SUB1: variants seen among roughly 807,000 people sequenced by gnomAD.
The protein encoded by SUB1 is SUB1 regulator of transcription, also known as activated RNA polymerase II transcriptional coactivator p15.
A neutral mutation model predicts 16.9 loss-of-function variants in SUB1; 1 was observed. The ratio of observed to expected loss-of-function variants is 0.06; its 90% confidence interval spans 0.02 to 0.28. SUB1 has a LOEUF of 0.28. Ranked by LOEUF, SUB1 falls within the 10% of genes least tolerant of loss-of-function variation. SUB1 has a pLI of 1.00. For missense variants in SUB1, 84 were observed against 145.2 expected (o/e 0.58, Z 2.16); for synonymous variants, 51 against 46.9 (o/e 1.09, Z -0.36).
At chr5:32,589,597 T>TG (rs1340788423) in intron 2 of SUB1, among the ~76,000 whole-genome samples, 1 of 152,306 alleles carries the variant, frequency 6.6e-6, no homozygotes, top group Non-Finnish European at 1.5e-5. Context: ...GCACCGTAAT[T>TG]GGTGAATTTC....
chr5:32,586,818 C>CT (rs1554005011), intron 1 of SUB1, among the ~76,000 whole-genome samples: 1 of 152,182 alleles, frequency 6.6e-6, no homozygotes, highest in East Asian at 1.9e-4. Flanking sequence ...ATGAACATTG[C>CT]TTTTCCCTTC....
At chr5:32,600,772 T>G (rs1281960403) in intron 4 of SUB1, among the ~76,000 whole-genome samples, 4 of 151,882 alleles carry the variant, frequency 2.6e-5, no homozygotes, top group Non-Finnish European at 5.9e-5. Flanking sequence ...CCCGGCTAAT[T>G]TTTGTATTTT....
chr5:32,589,237 A>G (rs1188236906), intron 2 of SUB1, among the ~76,000 whole-genome samples: 1 of 151,932 alleles, frequency 6.6e-6, no homozygotes, highest in South Asian at 2.1e-4. Flanking sequence ...TACAGGCATC[A>G]TGCCTGGTTA....
chr5:32,591,432 C>A lies in SUB1; in HGVS notation c.73-131C>A. ...TAGTTTTGTTGTTGAGTGAAACTTG[C>A]TTATGTATATATTTATGATATTTTG... On this transcript the variant is annotated intron_variant, in intron 2 of 4. Transcript: ENST00000265073. 4.8e-6 allele frequency: 6 copies of A among 1,252,034 alleles called. No individual in the cohort carries two copies. In the South Asian group the frequency reaches 7.6e-5, roughly 16 times the overall value. 77.6% of individuals were successfully genotyped at this position (1,252,034 alleles called of 1,614,324 possible).
Position 32,602,696 on chromosome 5 carries a change from A to C in SUB1, c.*1612A>C, listed in dbSNP as rs1240835036. On this transcript the variant is annotated 3_prime_UTR_variant, in exon 5 of 5. Coordinates refer to ENST00000265073, the MANE Select transcript of SUB1 (RefSeq NM_006713.4). ...TTAAAGTATATTTAGCAGTAACCTT[A>C]TGAGGTTCAAATTGGTAAATCTCTT... The C allele has an allele frequency of 6.4e-6, 1 of 156,144 alleles. No homozygotes were observed. The highest frequency in any genetic ancestry group is 2.4e-5 in the African/African-American group (1 of 41,446). The allele number at this position is 156,144 out of a possible 1,614,324, so 9.7% of individuals were successfully genotyped here.
At chr5:32,585,662 GCCCCCACC>G (rs1240913988) in intron 1 of SUB1, 37 bp downstream of exon 1, 1 of 152,314 alleles carries the variant, frequency 6.6e-6, no homozygotes, top group Non-Finnish European at 1.5e-5. Flanking sequence ...ACTCCTCGGG[GCCCCCACC>G]CTCCCAGCCG....
At chr5:32,591,265 T>C (rs1738818230) in intron 2 of SUB1, 1 of 202,662 alleles carries the variant, frequency 4.9e-6, no homozygotes, top group Non-Finnish European at 9.8e-6. Flanking sequence ...TTTTTTTTTC[T>C]ACCAAAGAAA....
intron 3 of SUB1, chr5:32,596,910 AAAT>A (rs1238318813): frequency 2.6e-5 from 4 of 152,180 alleles, no homozygotes; most frequent in African/African-American, 9.6e-5. Context: ...GATTTTTGAA[AAAT>A]AATTTTCTGT....
chr5:32,591,329 A>G (rs1392723916), intron 2 of SUB1: 3 of 393,272 alleles, frequency 7.6e-6, no homozygotes, highest in Admixed American at 4.9e-5. Flanking sequence ...TAATACTACT[A>G]TAATGCCTGA....
intron 3 of SUB1, among the ~76,000 whole-genome samples, chr5:32,593,038 G>A (rs763230027): frequency 1.3e-5 from 2 of 151,980 alleles, no homozygotes; most frequent in Non-Finnish European, 2.9e-5. Flanking sequence ...TTGAGACAGG[G>A]TCTCTGCTCT....
intron 2 of SUB1, among the ~76,000 whole-genome samples, chr5:32,590,869 G>A (rs2111661001): frequency 6.9e-6 from 1 of 144,782 alleles, no homozygotes; most frequent in Admixed American, 7.0e-5. Flanking sequence ...CTGGATTCAA[G>A]CAGTTCTCTG....
At chr5:32,592,630 A>G (rs16889953) in intron 3 of SUB1, among the ~76,000 whole-genome samples, 20,119 of 152,204 alleles carry the variant, frequency 0.13, 3,367 homozygotes, top group African/African-American at 0.39. Context: ...AAATTATGCC[A>G]ATTACAAGAT....
intron 2 of SUB1, among the ~76,000 whole-genome samples, chr5:32,589,895 A>G (rs867156803): frequency 6.6e-6 from 1 of 152,134 alleles, no homozygotes; most frequent in Non-Finnish European, 1.5e-5. Flanking sequence ...TAGCTAAAAG[A>G]AAAGGGGAGA....
chr5:32,598,263 A>G (rs1365242546), intron 3 of SUB1: 1 of 152,142 alleles, frequency 6.6e-6, no homozygotes, highest in African/African-American at 2.4e-5. Context: ...TCTTGGGAGC[A>G]CTTTCAGCAT....
chr5:32,593,893 C>T (rs1446178632), intron 3 of SUB1, among the ~76,000 whole-genome samples: 1 of 152,164 alleles, frequency 6.6e-6, no homozygotes, highest in Admixed American at 6.5e-5. Flanking sequence ...GGGATTTCAC[C>T]TGGTTGGCCA....
intron 2 of SUB1, among the ~76,000 whole-genome samples, chr5:32,591,043 A>G (rs1291598056): frequency 2.0e-5 from 3 of 152,170 alleles, no homozygotes; most frequent in African/African-American, 7.2e-5. Flanking sequence ...TGCTGGGATT[A>G]CAGGTGTGAG....
intron 3 of SUB1, among the ~76,000 whole-genome samples, chr5:32,592,199 T>C (rs754975928): frequency 1.3e-5 from 2 of 152,248 alleles, no homozygotes; most frequent in Admixed American, 6.5e-5. Context: ...CTAGTTTTGC[T>C]GTATTTAAAC....
chr5:32,596,395 A>C (rs1191986324), intron 3 of SUB1: 1 of 151,858 alleles, frequency 6.6e-6, no homozygotes, highest in African/African-American at 2.4e-5. Flanking sequence ...CTTTAGTGTG[A>C]TTGTCTATTC....
At position 32,590,559 on chromosome 5, in the gene SUB1, G is replaced by A. The variant is rs575456478; in HGVS notation, c.73-1004G>A. 2.3e-4 allele frequency among the ~76,000 whole-genome samples: 35 copies of A among 150,560 alleles called. 1 individual carries two copies. The highest frequency in any genetic ancestry group is 1.5e-3 in the Admixed American group (23 of 15,042). On this transcript the variant is annotated intron_variant, in intron 2 of 4. Transcript: ENST00000265073. ...GGCTGTCAGTGCCCAGTGCAAAATA[G>A]CTCTCTAAAGATTTGCCTAATTGTA...
Sources: gnomAD v4.1 joint callset for allele counts (sites outside exome capture counted in the v4.1 genomes callset) on GRCh38, gnomAD v4.1.1 for gene constraint, MANE v1.5 for transcripts, NCBI Gene and HGNC (gene_info 2026-07-23, HGNC 2026-07-21) for gene names.